KRT24: variants seen among roughly 807,000 people sequenced by gnomAD.
KRT24 encodes keratin 24, also known as keratin, type I cytoskeletal 24.
Under a neutral mutation model 51.7 loss-of-function variants are expected in KRT24, and 44 were observed. That is an observed-to-expected ratio of 0.85 (90% CI 0.67 to 1.09). The LOEUF is 1.09. Ranked by LOEUF, KRT24 falls within the 50% of genes least tolerant of loss-of-function variation. KRT24 has a pLI of 0.00. For synonymous variants in KRT24, 241 were observed against 249.5 expected (o/e 0.97, Z 0.32); for missense variants, 633 against 647.0 (o/e 0.98, Z 0.24).
Position 40,698,199 on chromosome 17 carries a change from T to C in KRT24, c.*38A>G. ...TTCGCTTGTGTCCTTCTTGATTTTT[T>C]TTTCTTTGAAAGACACTTTTGTTGA... On this transcript the variant is annotated 3_prime_UTR_variant, in exon 8 of 8. Coordinates refer to ENST00000264651, the MANE Select transcript of KRT24 (RefSeq NM_019016.3). 1 of 1,276,634 alleles carries C rather than the reference T, an allele frequency of 7.8e-7. No individual in the cohort carries two copies. The allele number at this position is 1,276,634 out of a possible 1,614,324, so 79.1% of individuals were successfully genotyped here.
chr17:40,698,036 C>A lies in KRT24; in HGVS notation c.*201G>T. 9.6e-6 allele frequency: 5 copies of A among 519,930 alleles called. No homozygotes were observed. The highest frequency in any genetic ancestry group is 3.5e-5 in the Admixed American group (1 of 28,634). The allele number at this position is 519,930 out of a possible 1,614,324, so 32.2% of individuals were successfully genotyped here. A position where few individuals can be genotyped will look rare whatever the true frequency, so the allele number is the denominator to read the frequency against. ...TATTGAAGCATAGAAACAATTAAAG[C>A]AAAGTTGTTAATTCAGCTATTTCAA... On this transcript the variant is annotated 3_prime_UTR_variant, in exon 8 of 8. Transcript: ENST00000264651.
Position 40,698,566 on chromosome 17 carries a change from T to A in KRT24, c.1446A>T (p.Arg482Ser), listed in dbSNP as rs769403420. 5 of 1,610,152 alleles carry A rather than the reference T, an allele frequency of 3.1e-6. No homozygotes were observed. Among genetic ancestry groups the A allele is most frequent in the Middle Eastern group, 1.6e-4 (1 of 6,076 alleles). Residue 482 changes from arginine (R) to serine (S), a missense_variant, in exon 7 of 8, where the codon AGA (arginine) becomes AGT (serine). Arg to Ser is a moderately radical substitution (Grantham distance 110). Transcript: ENST00000264651. The part of the protein sequence containing the change: ...GSRDLVSGDS[R>S]SGSCSGQGRD... The stretch of plus-strand genomic sequence containing the variant: ...GTCCTTGACCAGAACAGCTTCCAGA[T>A]CTTGAGTCACCAGATACCAGATCCC...
At chr17:40,698,361 A>G (rs1416192270) in intron 7 of KRT24, 21 bp from the exon 8 acceptor site, 7 of 1,485,950 alleles carry the variant, frequency 4.7e-6, no homozygotes. Flanking sequence ...TGGGATTGCA[A>G]TGTCAGTCTG....
chr17:40,702,223 T>C (rs191259442), intron 1 of KRT24, among the ~76,000 whole-genome samples: 1 of 152,198 alleles, frequency 6.6e-6, no homozygotes, highest in African/African-American at 2.4e-5. Context: ...GTGTTTTTAG[T>C]AGACACGGGG....
chr17:40,698,321 C>T lies in KRT24; in HGVS notation c.1494G>A (p.Val498=). ...CCAACTCCTCTACGATAGTCTTAGTCACTCTAGTCTTGCTTGAATCTGAAA... is the reference window on the plus strand; with the variant it reads ...CCAACTCCTCTACGATAGTCTTAGTTACTCTAGTCTTGCTTGAATCTGAAA... The part of the protein sequence containing the change: ...GQGRDSSKTR[V]TKTIVEELVD... The change falls in exon 8 of 8, where the codon GTG becomes GTA. Residue 498 remains valine, a synonymous_variant. Coordinates refer to ENST00000264651, the MANE Select transcript of KRT24 (RefSeq NM_019016.3). 2 of 1,611,024 alleles carry T rather than the reference C, an allele frequency of 1.2e-6. No individual in the cohort carries two copies. Among genetic ancestry groups the T allele is most frequent in the Non-Finnish European group, 8.5e-7 (1 of 1,177,220 alleles).
intron 5 of KRT24, 97 bp from the exon 6 acceptor site, chr17:40,699,758 G>A: frequency 4.5e-6 from 5 of 1,099,000 alleles, no homozygotes; most frequent in South Asian, 2.8e-5. Context: ...GTGCACCTTC[G>A]CCATATAACC....
At chr17:40,702,449 T>C (rs1337040189) in intron 1 of KRT24, among the ~76,000 whole-genome samples, 1 of 152,174 alleles carries the variant, frequency 6.6e-6, no homozygotes, top group Non-Finnish European at 1.5e-5. Context: ...GGACTACATC[T>C]TTCTGCAAAA....
At position 40,698,539 on chromosome 17, in the gene KRT24, T is replaced by C. The variant is rs2037634780; in HGVS notation, c.1473A>G (p.Arg491=). Residue 491 remains arginine (R), a splice_region_variant and synonymous_variant, in exon 7 of 8, where the codon CGA becomes CGG. Transcript: ENST00000264651. ...TTATCAATATTAAAAAAAGTCTACC[T>C]CGTCCTTGACCAGAACAGCTTCCAG... ...SRSGSCSGQG[R]DSSKTRVTKT... 6.4e-7 allele frequency: 1 copy of C among 1,565,292 alleles called. No homozygotes were observed. Among genetic ancestry groups the C allele is most frequent in the East Asian group, 2.2e-5 (1 of 44,686 alleles).
rs1300034124 is a variant in KRT24, at chr17:40,701,886, G to A, written c.663C>T (p.Asp221=). The A allele has an allele frequency of 1.3e-6, 2 of 1,539,800 alleles. No individual in the cohort carries two copies. The highest frequency in any genetic ancestry group is 3.6e-5 in the Admixed American group (2 of 55,432). Reference sequence around the variant, plus strand: ...AGTCATCAGCAGCCAATCTGGCATTGTCAATGTGCAAAATGATCCCAGCAT... The same window carrying A: ...AGTCATCAGCAGCCAATCTGGCATTATCAATGTGCAAAATGATCCCAGCAT... ...VENAGIILHI[D]NARLAADDFR... is the part of the protein sequence containing the mutation. Residue 221 remains aspartate (D), a synonymous_variant, in exon 2 of 8, where the codon GAC becomes GAT. Coordinates refer to ENST00000264651, the MANE Select transcript of KRT24 (RefSeq NM_019016.3).
intron 5 of KRT24, 69 bp downstream of exon 5, chr17:40,699,929 T>C: frequency 2.5e-6 from 4 of 1,602,600 alleles, no homozygotes; most frequent in Non-Finnish European, 3.4e-6. Flanking sequence ...AGTGAACCTC[T>C]TGGCAAAGAA....
rs1280612973 is a variant in KRT24 at position 40,699,484 on chromosome 17, C to G, written c.1321G>C (p.Glu441Gln). The G allele has an allele frequency of 5.0e-6, 8 of 1,613,972 alleles. No individual in the cohort carries two copies. Among genetic ancestry groups the G allele is most frequent in the Non-Finnish European group, 6.8e-6 (8 of 1,179,968 alleles). The change falls in exon 6 of 8, where the codon GAG becomes CAG. Residue 441 changes from glutamate (E) to glutamine (Q), a missense_variant. Glu to Gln is a conservative substitution (Grantham distance 29, BLOSUM62 2). Transcript: ENST00000264651. ...LLDIKTRLEV[E>Q]IETYRRLLDG... is the part of the protein sequence containing the mutation. Reference sequence around the variant, plus strand: ...AGCAGGCGGCGGTAGGTCTCGATCTCCACCTCCAGGCGTGTCTTGATGTCC... The same window carrying G: ...AGCAGGCGGCGGTAGGTCTCGATCTGCACCTCCAGGCGTGTCTTGATGTCC...
intron 1 of KRT24, among the ~76,000 whole-genome samples, chr17:40,702,179 G>A (rs1308856096): frequency 2.0e-5 from 3 of 152,004 alleles, no homozygotes; most frequent in Admixed American, 6.6e-5. Context: ...TTACAGGGGC[G>A]TGCCACTATG....
chr17:40,701,725 A>G (rs1467176004), intron 2 of KRT24, 126 bp downstream of exon 2: 44 of 2,220 alleles, frequency 0.02, 1 homozygote, highest in South Asian at 0.033. Flanking sequence ...ATCCTCTAGT[A>G]TATATATATA....
chr17:40,703,576 C>G lies in KRT24; in HGVS notation c.118G>C (p.Ala40Pro). Residue 40 changes from alanine (A) to proline (P), a missense_variant, in exon 1 of 8, where the codon GCC (alanine) becomes CCC (proline). Coordinates refer to ENST00000264651, the MANE Select transcript of KRT24 (RefSeq NM_019016.3). ...GSRCGLGGSSAQGFRGGASSC... is the reference protein window; with the variant it reads ...GSRCGLGGSSPQGFRGGASSC... Reference sequence around the variant, plus strand: ...CTGGCTCCTCCTCGGAAGCCCTGGGCCGAGCTGCCCCCCAGACCACATCTG... The same window carrying G: ...CTGGCTCCTCCTCGGAAGCCCTGGGGCGAGCTGCCCCCCAGACCACATCTG... The G allele has an allele frequency of 6.2e-7, 1 of 1,612,552 alleles. No individual in the cohort carries two copies. The highest frequency in any genetic ancestry group is 8.5e-7 in the Non-Finnish European group (1 of 1,179,714).
At chr17:40,699,034 G>A (rs2037642646) in intron 6 of KRT24, among the ~76,000 whole-genome samples, 3 of 151,968 alleles carry the variant, frequency 2.0e-5, no homozygotes, top group Non-Finnish European at 2.9e-5. Context: ...GTGCCACCAC[G>A]CCTGGCTAAT....
Sources: allele counts gnomAD v4.1 joint callset (sites outside exome capture counted in the v4.1 genomes callset), GRCh38; gene constraint gnomAD v4.1.1; transcripts MANE v1.5; gene names NCBI Gene and HGNC (gene_info 2026-07-23, HGNC 2026-07-21).